The following PRDM16 variants were observed in gnomAD, a reference collection of about 807,000 sequenced individuals.
PRDM16 encodes PR/SET domain 16, also known as histone-lysine N-methyltransferase PRDM16.
PRDM16 carries 23 observed loss-of-function variants against 110.6 expected under a neutral mutation model. That is an observed-to-expected ratio of 0.21 (90% CI 0.15 to 0.29). PRDM16 has a LOEUF of 0.29. PRDM16 is among the 10% of genes least tolerant of loss of function. The probability of loss-of-function intolerance (pLI) is 1.00; values close to 1 mark genes in which losing one functional copy is unlikely to be tolerated. For synonymous variants in PRDM16, 799 were observed against 781.8 expected, an observed-to-expected ratio of 1.02 and a Z score of -0.37; for missense variants, 1,615 against 1,794.3, an observed-to-expected ratio of 0.90 and a Z score of 1.81.
intron 3 of PRDM16, among the ~76,000 whole-genome samples, chr1:3,345,727 CG>C (rs1642348408): frequency 6.6e-6 from 1 of 150,762 alleles, no homozygotes; most frequent in African/African-American, 2.4e-5. Context: ...CGGGTCCTCC[CG>C]TGCTGCCCCC....
chr1:3,069,345 C>G lies in PRDM16; in HGVS notation c.37+49C>G. 1.8e-5 allele frequency: 17 copies of G among 960,864 alleles called. No homozygotes were observed. Among genetic ancestry groups the G allele is most frequent in the Non-Finnish European group, 2.1e-5 (17 of 798,608 alleles). 59.5% of individuals were successfully genotyped at this position (960,864 alleles called of 1,614,324 possible). On this transcript the variant is annotated intron_variant, in intron 1 of 16. Coordinates refer to ENST00000270722, the MANE Select transcript of PRDM16 (RefSeq NM_022114.4). This position sits in a 1 kb window ranked among gnomAD's most constrained non-coding sequence, Gnocchi z 6.1. ...GCCGCGCCGCCGGGGCCCGGGCCGC[C>G]GGGCCGGGGCGCCCGGGCCAGGGGT...
At position 3,244,394 on chromosome 1, in the gene PRDM16, C is replaced by T. The variant is rs531874920; in HGVS notation, c.438+257C>T. Among the ~76,000 whole-genome samples, 73 of 152,146 alleles carry T rather than the reference C, an allele frequency of 4.8e-4. No homozygotes were observed. The highest frequency in any genetic ancestry group is 3.1e-3 in the South Asian group (15 of 4,810). On this transcript the variant is annotated intron_variant, in intron 3 of 16. Coordinates refer to ENST00000270722, the MANE Select transcript of PRDM16 (RefSeq NM_022114.4). This position sits in a 1 kb window ranked among gnomAD's most constrained non-coding sequence, Gnocchi z 4.1. ...GGCCATCCGCCACTCTCCTAACTCC[C>T]GAGAGTGGAGGAGAGCCCTGTACCT...
rs1281936278 is a variant in PRDM16 at position 3,382,973 on chromosome 1, G to A, written c.439-2179G>A. Among the ~76,000 whole-genome samples the A allele has an allele frequency of 1.3e-5, 2 of 152,200 alleles. No individual in the cohort carries two copies. The highest frequency in any genetic ancestry group is 6.5e-5 in the Admixed American group (1 of 15,292). ...TTTGTATATTGAGCATCCCCCCGCCGCCAATGTTTTCCTCGGGCTCCAGCC... is the reference window on the plus strand; with the variant it reads ...TTTGTATATTGAGCATCCCCCCGCCACCAATGTTTTCCTCGGGCTCCAGCC... On this transcript the variant is annotated intron_variant, in intron 3 of 16. Transcript: ENST00000270722. This position sits in a 1 kb window ranked among gnomAD's most constrained non-coding sequence, Gnocchi z 6.6.
intron 2 of PRDM16, among the ~76,000 whole-genome samples, chr1:3,189,158 G>A (rs144334449): frequency 6.8e-4 from 103 of 152,328 alleles, no homozygotes; most frequent in African/African-American, 2.5e-3. Context: ...GAGACGGGAC[G>A]GGAACACCAG....
chr1:3,083,223 G>T (rs1028160988), intron 1 of PRDM16, among the ~76,000 whole-genome samples: 2 of 152,198 alleles, frequency 1.3e-5, no homozygotes, highest in Non-Finnish European at 2.9e-5. Context: ...GCAATGGCTA[G>T]GAGACGCAGG....
chr1:3,200,341 T>TA (rs1638589508), intron 2 of PRDM16, among the ~76,000 whole-genome samples: 2 of 152,068 alleles, frequency 1.3e-5, no homozygotes, highest in Admixed American at 1.3e-4. Context: ...GGTGGATTTT[T>TA]TTTTTATTTT....
In PRDM16 at chr1:3,310,606, A is replaced by G. The variant is rs74048219; in HGVS notation, c.438+66469A>G. On this transcript the variant is annotated intron_variant, in intron 3 of 16. Coordinates refer to ENST00000270722, the MANE Select transcript of PRDM16 (RefSeq NM_022114.4). Reference sequence around the variant, plus strand: ...ACCGAGCCGGGTTACTTGGTCCCCAAGTCCCTCCACCTGCCAAACCAGCAA... The same window carrying G: ...ACCGAGCCGGGTTACTTGGTCCCCAGGTCCCTCCACCTGCCAAACCAGCAA... Among the ~76,000 whole-genome samples the G allele has an allele frequency of 2.0e-4, 30 of 152,180 alleles. No homozygotes were observed. In the East Asian group the frequency reaches 4.3e-3, roughly 22 times the overall value.
At chr1:3,098,919 C>T (rs976402801) in intron 1 of PRDM16, among the ~76,000 whole-genome samples, 2 of 152,208 alleles carry the variant, frequency 1.3e-5, no homozygotes, top group Admixed American at 6.5e-5. Flanking sequence ...ACCAAGGACC[C>T]GGCAAATGCT....
chr1:3,086,776 T>C (rs142131685), intron 1 of PRDM16, among the ~76,000 whole-genome samples: 371 of 152,326 alleles, frequency 2.4e-3, no homozygotes, highest in African/African-American at 8.5e-3. Flanking sequence ...GCTGTCTTCA[T>C]TTCTTTATTT....
At chr1:3,269,793 A>AGACAGGAGGAGCATAATCCTG (rs1640391886) in intron 3 of PRDM16, among the ~76,000 whole-genome samples, 1 of 101,942 alleles carries the variant, frequency 9.8e-6, no homozygotes, top group African/African-American at 6.3e-5. Flanking sequence ...GGAAAGTCTC[A>AGACAGGAGGAGCATAATCCTG]GAGGAGGACA....
intron 1 of PRDM16, among the ~76,000 whole-genome samples, chr1:3,161,960 C>T (rs1643901311): frequency 6.6e-6 from 1 of 152,176 alleles, no homozygotes; most frequent in Admixed American, 6.5e-5. Flanking sequence ...GTTCGGGCAG[C>T]GCTCAGGGCA....
chr1:3,140,561 G>A (rs1643529434), intron 1 of PRDM16, among the ~76,000 whole-genome samples: 2 of 152,220 alleles, frequency 1.3e-5, no homozygotes, highest in Non-Finnish European at 2.9e-5. Flanking sequence ...AAACCACGTT[G>A]GCTCTCTAAC....
At chr1:3,237,705 C>T (rs777974877) in intron 2 of PRDM16, among the ~76,000 whole-genome samples, 2 of 152,226 alleles carry the variant, frequency 1.3e-5, no homozygotes, top group African/African-American at 2.4e-5. Flanking sequence ...CTCGCCCGGG[C>T]GGTGTGTCCA....
chr1:3,088,693 C>T (rs978239006), intron 1 of PRDM16, among the ~76,000 whole-genome samples: 1 of 151,234 alleles, frequency 6.6e-6, no homozygotes, highest in Non-Finnish European at 1.5e-5. Flanking sequence ...GTCTCTATCT[C>T]CTGATCTCAG....
In PRDM16 at chr1:3,264,261, G is replaced by A. The variant is rs925577543; in HGVS notation, c.438+20124G>A. On this transcript the variant is annotated intron_variant, in intron 3 of 16. Coordinates refer to ENST00000270722, the MANE Select transcript of PRDM16 (RefSeq NM_022114.4). ...TTAAGGGAGTCCATGAGGCTGAGCC[G>A]GAGCAGGATATGGAGCAGAGCTGAG... Among the ~76,000 whole-genome samples the A allele has an allele frequency of 5.9e-5, 9 of 152,326 alleles. 1 individual carries two copies. The highest frequency in any genetic ancestry group is 3.3e-4 in the Admixed American group (5 of 15,304).
At chr1:3,365,488 A>C (rs958465632) in intron 3 of PRDM16, among the ~76,000 whole-genome samples, 1 of 152,262 alleles carries the variant, frequency 6.6e-6, no homozygotes, top group Admixed American at 6.5e-5. Context: ...GCAGGCCCAC[A>C]CCCCAAAGCC....
rs1643867884 is a variant in PRDM16 at position 3,157,436 on chromosome 1, A to C, written c.38-28689A>C. Among the ~76,000 whole-genome samples the C allele has an allele frequency of 6.6e-6, 1 of 151,354 alleles. No homozygotes were observed. Among genetic ancestry groups the C allele is most frequent in the African/African-American group, 2.4e-5 (1 of 40,918 alleles). On this transcript the variant is annotated intron_variant, in intron 1 of 16. Coordinates refer to ENST00000270722, the MANE Select transcript of PRDM16 (RefSeq NM_022114.4). The surrounding 1 kb of genome is among the most constrained non-coding windows in gnomAD (Gnocchi z 4.8). Reference sequence around the variant, plus strand: ...TGCGATCCCATTAAAAAAAAAAAAAAAAAAAACACCTTTGTGGGGGCTGGG... The same window carrying C: ...TGCGATCCCATTAAAAAAAAAAAAACAAAAAACACCTTTGTGGGGGCTGGG...
At chr1:3,205,487 C>T (rs1310292810) in intron 2 of PRDM16, among the ~76,000 whole-genome samples, 2 of 152,076 alleles carry the variant, frequency 1.3e-5, no homozygotes, top group African/African-American at 4.8e-5. Flanking sequence ...CAGAAATGGA[C>T]CAGCCAGAAA....
rs1011023012 is a variant in PRDM16 at position 3,069,546 on chromosome 1, C to T, written c.37+250C>T. ...GGCCCCCTCCCCGCGGAACCCCCTC[C>T]CCCCCCACCAGTGTCAGGCGCTCGG... On this transcript the variant is annotated intron_variant, in intron 1 of 16. Transcript: ENST00000270722. This position sits in a 1 kb window ranked among gnomAD's most constrained non-coding sequence, Gnocchi z 6.1. Among the ~76,000 whole-genome samples, 2 of 148,484 alleles carry T rather than the reference C, an allele frequency of 1.3e-5. No homozygotes were observed. The highest frequency in any genetic ancestry group is 4.9e-5 in the African/African-American group (2 of 41,000).
Sources: gnomAD v4.1 joint callset for allele counts (sites outside exome capture counted in the v4.1 genomes callset) on GRCh38, gnomAD v4.1.1 for gene constraint, Gnocchi (gnomAD v3.1) non-coding constraint, MANE v1.5 for transcripts, NCBI Gene and HGNC (gene_info 2026-07-23, HGNC 2026-07-21) for gene names.